Variants in MYO1B observed in about 807,000 individuals in gnomAD.
MYO1B encodes the protein myosin IB.
Under a neutral mutation model 159.7 loss-of-function variants are expected in MYO1B, and 72 were observed. The observed-to-expected ratio is 0.45, with a 90% CI of 0.37 to 0.55. The LOEUF (loss-of-function observed/expected upper bound fraction) is 0.55. Among genes scored for constraint, MYO1B ranks in the 20% least tolerant of loss-of-function variants. The probability of loss-of-function intolerance (pLI) is 0.00; values close to 1 mark genes in which losing one functional copy is unlikely to be tolerated. For synonymous variants in MYO1B, 468 were observed against 473.8 expected (o/e 0.99, Z 0.16); for missense variants, 1,062 against 1,364.8 (o/e 0.78, Z 3.50).
intron 15 of MYO1B, 128 bp from the exon 16 acceptor site, chr2:191,385,756 G>T (rs1695364574): frequency 2.0e-6 from 2 of 994,130 alleles, no homozygotes; most frequent in Admixed American, 2.3e-5. Context: ...TTGAGTCTCT[G>T]CTTTTTGTTA....
intron 15 of MYO1B, among the ~76,000 whole-genome samples, chr2:191,384,041 A>G (rs1343641892): frequency 6.6e-6 from 1 of 152,188 alleles, no homozygotes; most frequent in Non-Finnish European, 1.5e-5. Context: ...GGGACCTGGA[A>G]TTTTTCGGAT....
intron 2 of MYO1B, among the ~76,000 whole-genome samples, chr2:191,282,266 C>G (rs1688106027): frequency 6.6e-6 from 1 of 152,120 alleles, no homozygotes; most frequent in Non-Finnish European, 1.5e-5. Flanking sequence ...TTCCTGGGGT[C>G]AGGAGTTGGG....
At chr2:191,346,611 A>G (rs1001635017) in intron 6 of MYO1B, among the ~76,000 whole-genome samples, 2 of 152,198 alleles carry the variant, frequency 1.3e-5, no homozygotes, top group East Asian at 3.8e-4. Context: ...TAAGAGAAAG[A>G]TAAACTGGGT....
chr2:191,375,447 A>G (rs1022158865), intron 13 of MYO1B, among the ~76,000 whole-genome samples: 1 of 150,326 alleles, frequency 6.7e-6, no homozygotes, highest in East Asian at 2.0e-4. Context: ...AAAACAAAAG[A>G]TGACAACTGC....
chr2:191,257,708 A>G (rs1686541111), intron 1 of MYO1B, among the ~76,000 whole-genome samples: 1 of 152,226 alleles, frequency 6.6e-6, no homozygotes, highest in South Asian at 2.1e-4. Context: ...GAAAGAAGGT[A>G]GTGGGTTACA....
intron 3 of MYO1B, among the ~76,000 whole-genome samples, chr2:191,319,183 A>G (rs896761406): frequency 2.2e-4 from 34 of 152,306 alleles, no homozygotes; most frequent in African/African-American, 7.7e-4. Flanking sequence ...CATAAACATA[A>G]GCAATCTCAA....
intron 13 of MYO1B, among the ~76,000 whole-genome samples, chr2:191,376,687 C>T (rs1351374792): frequency 6.6e-6 from 1 of 152,140 alleles, no homozygotes; most frequent in East Asian, 1.9e-4. Flanking sequence ...TTAACATAAG[C>T]CATGGTCTTT....
rs145763162 is a variant in MYO1B at position 191,418,614 on chromosome 2, T to C, written c.3287+2372T>C. On this transcript the variant is annotated intron_variant, in intron 30 of 30. Coordinates refer to ENST00000392318, the MANE Select transcript of MYO1B (RefSeq NM_001130158.3). ...AAGGGATTATTCTGCCTCAGCCTCT[T>C]GAGTAGCTGGGATTACAGGCATGCA... Among the ~76,000 whole-genome samples, 357 of 149,238 alleles carry C rather than the reference T, an allele frequency of 2.4e-3. 1 individual carries two copies. Among genetic ancestry groups the C allele is most frequent in the Middle Eastern group, 0.021 (6 of 288 alleles).
rs781702794 is a variant in MYO1B, at chr2:191,409,157, A to G, written c.2745A>G (p.Lys915=). ...LFLDSTHKEL[K]RIFHLWRCKK... ...TGGATTCTACTCACAAGGAGCTAAA[A>G]AGGATTTTCCACTTGTGGAGGGTAA... is the stretch of plus-strand genomic sequence containing the variant. The change falls in exon 26 of 31, where the codon AAA becomes AAG. Residue 915 remains lysine, a synonymous_variant. Coordinates refer to ENST00000392318, the MANE Select transcript of MYO1B (RefSeq NM_001130158.3). The G allele has an allele frequency of 4.3e-6, 7 of 1,610,962 alleles. No homozygotes were observed. The East Asian group carries it at 1.3e-4, about 31-fold the overall frequency.
intron 1 of MYO1B, chr2:191,246,283 A>T: frequency 6.6e-6 from 1 of 152,416 alleles, no homozygotes; most frequent in Non-Finnish European, 1.5e-5. Context: ...AAACCAGATT[A>T]GAGACGGGAG....
chr2:191,363,576 G>T, intron 9 of MYO1B, 152 bp from the exon 10 acceptor site: 2 of 1,003,074 alleles, frequency 2.0e-6, no homozygotes, highest in South Asian at 1.9e-5. Context: ...TACCCCCAGG[G>T]TTCCTCGAAT....
At chr2:191,268,779 C>T (rs541875397) in intron 1 of MYO1B, among the ~76,000 whole-genome samples, 12 of 152,200 alleles carry the variant, frequency 7.9e-5, no homozygotes, top group Non-Finnish European at 1.3e-4. Flanking sequence ...CCCACAGCCA[C>T]CTGACTGTGG....
intron 13 of MYO1B, among the ~76,000 whole-genome samples, chr2:191,375,559 C>T (rs561944194): frequency 2.6e-5 from 4 of 152,106 alleles, no homozygotes; most frequent in South Asian, 2.1e-4. Context: ...ATCCCAGAGC[C>T]GGGCACTCCT....
At chr2:191,325,186 T>A (rs1193417530) in intron 3 of MYO1B, among the ~76,000 whole-genome samples, 2 of 152,160 alleles carry the variant, frequency 1.3e-5, no homozygotes, top group East Asian at 3.9e-4. Context: ...ACACCCAGTT[T>A]TAGGACTAAA....
chr2:191,287,086 A>G (rs1688418465), intron 2 of MYO1B, among the ~76,000 whole-genome samples: 3 of 152,234 alleles, frequency 2.0e-5, no homozygotes, highest in African/African-American at 7.2e-5. Flanking sequence ...AGATTCCAGT[A>G]GAGCCCAGCT....
rs1412549910 is a variant in MYO1B at position 191,263,393 on chromosome 2, G to A, written c.-9-13494G>A. On this transcript the variant is annotated intron_variant, in intron 1 of 30. Coordinates refer to ENST00000392318, the MANE Select transcript of MYO1B (RefSeq NM_001130158.3). Reference sequence around the variant, plus strand: ...AGCAATGGAGAAGAAAAGTTGGTAAGCAGTTTTAATTTCTAAACCAGAGGG... The same window carrying A: ...AGCAATGGAGAAGAAAAGTTGGTAAACAGTTTTAATTTCTAAACCAGAGGG... 3.1e-6 allele frequency: 3 copies of A among 961,398 alleles called. No homozygotes were observed. In the African/African-American group the frequency reaches 5.3e-5, roughly 17 times the overall value. The allele number at this position is 961,398 out of a possible 1,614,324, so 59.6% of individuals were successfully genotyped here. A position where few individuals can be genotyped will look rare whatever the true frequency, so the allele number is the denominator to read the frequency against.
chr2:191,273,831 A>G (rs1687599051), intron 1 of MYO1B, among the ~76,000 whole-genome samples: 1 of 152,228 alleles, frequency 6.6e-6, no homozygotes, highest in Non-Finnish European at 1.5e-5. Flanking sequence ...GAATTCTTCT[A>G]ATGGTTTATG....
At position 191,300,639 on chromosome 2, in the gene MYO1B, C is replaced by CTTTT. The variant is rs1233709923; in HGVS notation, c.251+4426_251+4429dup. On this transcript the variant is annotated intron_variant, in intron 3 of 30. Transcript: ENST00000392318. ...TTACAGGTGTGACACTGTGCGCAGC[C>CTTTT]TTTTTTTTTTTTTTTTAAGAGATGA... 1.2e-4 allele frequency among the ~76,000 whole-genome samples: 8 copies of CTTTT among 66,932 alleles called. No individual in the cohort carries two copies. The East Asian group carries it at 3.7e-3, about 31-fold the overall frequency. 43.9% of individuals were successfully genotyped at this position (66,932 alleles called of 152,430 possible).
chr2:191,249,952 A>C (rs11691372), intron 1 of MYO1B, among the ~76,000 whole-genome samples: 81,603 of 152,144 alleles, frequency 0.54, 25,596 homozygotes, highest in Non-Finnish European at 0.68. Flanking sequence ...AGGAAAAAGG[A>C]TGCTTCCCAG....
Sources: allele counts gnomAD v4.1 joint callset (sites outside exome capture counted in the v4.1 genomes callset), GRCh38; gene constraint gnomAD v4.1.1; transcripts MANE v1.5; gene names NCBI Gene and HGNC (gene_info 2026-07-23, HGNC 2026-07-21).